The following GRID2 variants were observed in gnomAD, a reference collection of about 807,000 sequenced individuals.
GRID2 encodes glutamate receptor ionotropic, delta-2.
Under a neutral mutation model 114.8 loss-of-function variants are expected in GRID2, and 33 were observed. That is an observed-to-expected ratio of 0.29 (90% CI 0.22 to 0.38). The LOEUF is 0.38. Among genes scored for constraint, GRID2 ranks in the 10% least tolerant of loss-of-function variants. The probability of loss-of-function intolerance (pLI) is 1.00; values close to 1 mark genes in which losing one functional copy is unlikely to be tolerated. For missense variants in GRID2, 1,184 were observed against 1,257.7 expected (o/e 0.94, Z 0.89); for synonymous variants, 505 against 449.9 (o/e 1.12, Z -1.55).
At chr4:92,713,470 CATATACAT>C (rs1327507560) in intron 2 of GRID2, among the ~76,000 whole-genome samples, 2,325 of 74,382 alleles carry the variant, frequency 0.031, 11 homozygotes, top group East Asian at 0.053. Context: ...TTTACATATA[CATATACAT>C]ATATATATAT....
At chr4:92,714,031 C>T (rs978130971) in intron 2 of GRID2, among the ~76,000 whole-genome samples, 2 of 152,122 alleles carry the variant, frequency 1.3e-5, no homozygotes, top group Admixed American at 6.6e-5. Flanking sequence ...CACAGTCCAA[C>T]ATCTCATCTG....
chr4:92,599,026 T>C (rs1271119792), intron 2 of GRID2, among the ~76,000 whole-genome samples: 2 of 149,070 alleles, frequency 1.3e-5, no homozygotes, highest in Non-Finnish European at 3.0e-5. Flanking sequence ...GAAATGCTTT[T>C]CCTTTTTTTT....
intron 11 of GRID2, among the ~76,000 whole-genome samples, chr4:93,461,888 T>A (rs72886224): frequency 6.6e-6 from 1 of 152,244 alleles, no homozygotes; most frequent in Non-Finnish European, 1.5e-5. Flanking sequence ...AAGTCTCTTA[T>A]GTTTAGTTTA....
chr4:93,535,528 G>A (rs1268619754), intron 13 of GRID2, among the ~76,000 whole-genome samples: 1 of 151,836 alleles, frequency 6.6e-6, no homozygotes, highest in Non-Finnish European at 1.5e-5. Flanking sequence ...GGTAACAAGG[G>A]TTCTTTTTTC....
At chr4:92,482,204 A>C (rs1579442513) in intron 1 of GRID2, among the ~76,000 whole-genome samples, 2 of 151,542 alleles carry the variant, frequency 1.3e-5, no homozygotes, top group Admixed American at 1.3e-4. Context: ...CCTAAGCAAA[A>C]TAACACAGGA....
intron 1 of GRID2, among the ~76,000 whole-genome samples, chr4:92,532,212 A>G (rs912535152): frequency 3.3e-5 from 5 of 152,054 alleles, no homozygotes; most frequent in Non-Finnish European, 7.4e-5. Context: ...TTACAGGAAT[A>G]CTCCTACCTA....
intron 8 of GRID2, among the ~76,000 whole-genome samples, chr4:93,384,931 G>GA (rs1312830587): frequency 2.0e-5 from 3 of 152,090 alleles, no homozygotes; most frequent in Non-Finnish European, 4.4e-5. Flanking sequence ...AATCCACAAG[G>GA]AAAAAATGAC....
intron 8 of GRID2, among the ~76,000 whole-genome samples, chr4:93,293,791 A>T (rs998164184): frequency 1.3e-5 from 2 of 152,150 alleles, no homozygotes; most frequent in African/African-American, 4.8e-5. Context: ...GCCAAAGCTC[A>T]CTCAGTCATC....
chr4:92,913,178 C>A (rs1006736467), intron 2 of GRID2, among the ~76,000 whole-genome samples: 1 of 151,726 alleles, frequency 6.6e-6, no homozygotes, highest in African/African-American at 2.4e-5. Context: ...TTTGGTTTTT[C>A]ATGATAAAAG....
In GRID2 at chr4:93,712,189, T is replaced by C. The variant is rs187777559; in HGVS notation, c.2361-57021T>C. Among the ~76,000 whole-genome samples the C allele has an allele frequency of 3.4e-3, 519 of 152,336 alleles. 1 individual carries two copies. Among genetic ancestry groups the C allele is most frequent in the Non-Finnish European group, 5.6e-3 (384 of 68,038 alleles). The stretch of plus-strand genomic sequence containing the variant: ...TTGCCAATCTTTTCATAATGGTTTA[T>C]ATTTCTTTCTTATTTAAGAAATCAA... On this transcript the variant is annotated intron_variant, in intron 14 of 15. Coordinates refer to ENST00000282020, the MANE Select transcript of GRID2 (RefSeq NM_001510.4).
chr4:93,259,504 A>G (rs1345946472), intron 8 of GRID2, among the ~76,000 whole-genome samples: 3 of 151,888 alleles, frequency 2.0e-5, no homozygotes, highest in African/African-American at 7.2e-5. Context: ...GGCTTTTTAC[A>G]TACATGAAAT....
chr4:92,809,890 A>G (rs1200453080), intron 2 of GRID2, among the ~76,000 whole-genome samples: 1 of 151,994 alleles, frequency 6.6e-6, no homozygotes, highest in Non-Finnish European at 1.5e-5. Flanking sequence ...GTAGTGAAGT[A>G]TAAACTTAAT....
intron 2 of GRID2, among the ~76,000 whole-genome samples, chr4:92,765,474 A>G (rs1738214094): frequency 6.6e-6 from 1 of 152,158 alleles, no homozygotes; most frequent in Admixed American, 6.5e-5. Flanking sequence ...GCTGCTATTC[A>G]ATGAAGCAGA....
At chr4:93,669,435 T>C (rs971832761) in intron 14 of GRID2, among the ~76,000 whole-genome samples, 6 of 152,120 alleles carry the variant, frequency 3.9e-5, no homozygotes. Flanking sequence ...ATTATTATCA[T>C]TTAAAATGAT....
chr4:92,558,110 T>A (rs1482516754), intron 1 of GRID2, among the ~76,000 whole-genome samples: 1 of 152,078 alleles, frequency 6.6e-6, no homozygotes, highest in African/African-American at 2.4e-5. Context: ...TGGGTAACAT[T>A]GTTCCTGTGA....
intron 2 of GRID2, among the ~76,000 whole-genome samples, chr4:93,059,379 A>T (rs1393487793): frequency 6.6e-6 from 1 of 152,040 alleles, no homozygotes; most frequent in Non-Finnish European, 1.5e-5. Context: ...TTTGGACTGG[A>T]TGCTTCTTTG....
chr4:93,193,615 C>T (rs180967189), intron 4 of GRID2, among the ~76,000 whole-genome samples: 1 of 152,290 alleles, frequency 6.6e-6, no homozygotes, highest in East Asian at 1.9e-4. Flanking sequence ...ATTACCCAGT[C>T]TCAAGTATGT....
intron 2 of GRID2, among the ~76,000 whole-genome samples, chr4:92,861,792 ATTG>A (rs1220673843): frequency 1.3e-5 from 2 of 151,974 alleles, no homozygotes; most frequent in African/African-American, 4.8e-5. Context: ...CCTTGTTCCT[ATTG>A]TTCACATTTT....
Position 93,422,850 on chromosome 4 carries a change from A to T in GRID2, c.1427A>T (p.Asp476Val), listed in dbSNP as rs1173432469. ...KYQGFSIDVL[D>V]ALSNYLGFNY... is the part of the protein sequence containing the mutation. ...CAGGGCTTCTCCATTGATGTTTTGG[A>T]TGCCTTATCTAACTACCTGGGTTTT... Residue 476 changes from aspartate to valine, a missense_variant, in exon 10 of 16, where the codon GAT becomes GTT. By Grantham distance (152) the Asp-to-Val change is radical. Around this residue, in one of 3 missense-constraint regions of GRID2, gnomAD observed 717 missense variants for 796.9 expected, o/e 0.90. Transcript: ENST00000282020. 1 of 1,612,990 alleles carries T rather than the reference A, an allele frequency of 6.2e-7. No individual in the cohort carries two copies. Among genetic ancestry groups the T allele is most frequent in the Non-Finnish European group, 8.5e-7 (1 of 1,179,102 alleles).
Sources: allele counts gnomAD v4.1 joint callset (sites outside exome capture counted in the v4.1 genomes callset), GRCh38; gene constraint gnomAD v4.1.1; regional missense constraint gnomAD v4.1.1; transcripts MANE v1.5; gene names NCBI Gene and HGNC (gene_info 2026-07-23, HGNC 2026-07-21).